The following LDLRAD4 variants were observed in gnomAD, a reference collection of about 807,000 sequenced individuals.
LDLRAD4 encodes the protein low density lipoprotein receptor class A domain containing 4.
LDLRAD4 carries 5 observed loss-of-function variants against 17.0 expected under a neutral mutation model. The ratio of observed to expected loss-of-function variants is 0.29; its 90% CI spans 0.15 to 0.62. LDLRAD4 has a LOEUF of 0.62. Among genes scored for constraint, LDLRAD4 ranks in the 20% least tolerant of loss-of-function variants. The pLI is 0.84. For missense variants in LDLRAD4, 340 were observed against 424.7 expected (o/e 0.80, Z 1.75); for synonymous variants, 168 against 171.8 (o/e 0.98, Z 0.17).
chr18:13,418,669 CA>C (rs2089164527), intron 2 of LDLRAD4, among the ~76,000 whole-genome samples: 1 of 152,224 alleles, frequency 6.6e-6, no homozygotes, highest in South Asian at 2.1e-4. Context: ...AAGTTTTGAA[CA>C]ACAGCTGATG....
intron 1 of LDLRAD4, among the ~76,000 whole-genome samples, chr18:13,325,681 C>T (rs990346816): frequency 2.6e-5 from 4 of 152,220 alleles, no homozygotes; most frequent in South Asian, 4.1e-4. Context: ...CCGCCCGTCT[C>T]GGAACTGCTG....
Position 13,610,265 on chromosome 18 carries a change from A to ATTTTTTTTTTT in LDLRAD4, c.182-10822_182-10812dup, listed in dbSNP as rs1157718015. 4.0e-4 allele frequency among the ~76,000 whole-genome samples: 25 copies of ATTTTTTTTTTT among 62,510 alleles called. 7 individuals are homozygous for ATTTTTTTTTTT. The highest frequency in any genetic ancestry group is 6.7e-4 in the Non-Finnish European group (20 of 29,690). The allele number at this position is 62,510 out of a possible 152,430, so 41.0% of individuals were successfully genotyped here. ...TTCCATGAAGTTCACCAAAGCCCTA[A>ATTTTTTTTTTT]TTTTTTTTTTTTTTTTTTTTTTTTT... On this transcript the variant is annotated intron_variant, in intron 3 of 5. Coordinates refer to ENST00000359446, the Ensembl canonical transcript of LDLRAD4.
rs193247349 is a variant in LDLRAD4 at position 13,351,729 on chromosome 18, T to C, written c.-382-35612T>C. Among the ~76,000 whole-genome samples the C allele has an allele frequency of 2.6e-5, 4 of 152,154 alleles. No homozygotes were observed. The East Asian group carries it at 5.8e-4, about 22-fold the overall frequency. On this transcript the variant is annotated intron_variant, in intron 1 of 5. Coordinates refer to ENST00000359446, the Ensembl canonical transcript of LDLRAD4. ...TTCCTTCTGAAACTATTCCTAACAA[T>C]TGAAAAGAAGGGACTCCTCCTTAAC...
At chr18:13,247,410 C>T (rs2043009800) in intron 1 of LDLRAD4, among the ~76,000 whole-genome samples, 1 of 152,242 alleles carries the variant, frequency 6.6e-6, no homozygotes, top group African/African-American at 2.4e-5. Flanking sequence ...TTGAATTTCA[C>T]TAGTTGTTCT....
At chr18:13,465,112 G>T (rs1479011532) in intron 3 of LDLRAD4, 2 of 152,202 alleles carry the variant, frequency 1.3e-5, no homozygotes, top group Non-Finnish European at 2.9e-5. Context: ...ATCGCTGTTA[G>T]TAAGTATCTT....
chr18:13,348,121 G>T (rs1213481204), intron 1 of LDLRAD4, among the ~76,000 whole-genome samples: 2 of 152,224 alleles, frequency 1.3e-5, no homozygotes, highest in Non-Finnish European at 2.9e-5. Flanking sequence ...GTGAGGAGCT[G>T]CGTTCCTTTG....
At chr18:13,342,179 A>G (rs1236171414) in intron 1 of LDLRAD4, among the ~76,000 whole-genome samples, 1 of 152,070 alleles carries the variant, frequency 6.6e-6, no homozygotes, top group African/African-American at 2.4e-5. Flanking sequence ...CATAAGAAAT[A>G]TTGGTTTGTA....
chr18:13,404,936 G>A (rs928440346), intron 2 of LDLRAD4, among the ~76,000 whole-genome samples: 7 of 151,886 alleles, frequency 4.6e-5, no homozygotes, highest in Non-Finnish European at 5.9e-5. Flanking sequence ...TCTGTAGGTC[G>A]TATGAAGAAG....
At chr18:13,409,729 G>A (rs1033067067) in intron 2 of LDLRAD4, among the ~76,000 whole-genome samples, 1 of 152,168 alleles carries the variant, frequency 6.6e-6, no homozygotes, top group African/African-American at 2.4e-5. Flanking sequence ...GTTAGTACAT[G>A]TAGAAGAATT....
chr18:13,466,865 G>T (rs1174979232), intron 3 of LDLRAD4, among the ~76,000 whole-genome samples: 1 of 152,154 alleles, frequency 6.6e-6, no homozygotes, highest in African/African-American at 2.4e-5. Flanking sequence ...CCAGCTCTCT[G>T]GGATCTCTTT....
intron 3 of LDLRAD4, among the ~76,000 whole-genome samples, chr18:13,566,324 G>T (rs2094600875): frequency 6.6e-6 from 1 of 151,678 alleles, no homozygotes; most frequent in Non-Finnish European, 1.5e-5. Context: ...CAGCACAACG[G>T]GCATGAGTTT....
chr18:13,605,575 A>T (rs2095214577), intron 3 of LDLRAD4, among the ~76,000 whole-genome samples: 3 of 152,266 alleles, frequency 2.0e-5, no homozygotes, highest in African/African-American at 7.2e-5. Flanking sequence ...CCTTAACGAC[A>T]CTGTTAACCC....
At chr18:13,640,734 C>T (rs889340358) in intron 4 of LDLRAD4, among the ~76,000 whole-genome samples, 2 of 152,104 alleles carry the variant, frequency 1.3e-5, no homozygotes, top group Non-Finnish European at 2.9e-5. Flanking sequence ...TGCAGGCATG[C>T]CCTGCGTTAC....
At chr18:13,509,399 T>C (rs1295925134) in intron 3 of LDLRAD4, among the ~76,000 whole-genome samples, 1 of 152,214 alleles carries the variant, frequency 6.6e-6, no homozygotes, top group African/African-American at 2.4e-5. Context: ...AAGACTTCAG[T>C]GAGGAACTAA....
chr18:13,377,909 C>G (rs183064682), intron 1 of LDLRAD4, among the ~76,000 whole-genome samples: 2 of 152,124 alleles, frequency 1.3e-5, no homozygotes, highest in Non-Finnish European at 2.9e-5. Context: ...AATTGGATAC[C>G]GAGTTGTGAA....
chr18:13,344,750 T>G (rs966760600), intron 1 of LDLRAD4, among the ~76,000 whole-genome samples: 3 of 152,226 alleles, frequency 2.0e-5, no homozygotes, highest in Non-Finnish European at 2.9e-5. Flanking sequence ...TATCCTCTTT[T>G]ATTTCATTGA....
At chr18:13,511,569 T>C (rs906782072) in intron 3 of LDLRAD4, among the ~76,000 whole-genome samples, 1 of 152,224 alleles carries the variant, frequency 6.6e-6, no homozygotes, top group African/African-American at 2.4e-5. Flanking sequence ...AATGGGCATA[T>C]TCTTTGAAAA....
intron 3 of LDLRAD4, among the ~76,000 whole-genome samples, chr18:13,450,466 C>T (rs896222616): frequency 2.6e-5 from 4 of 152,174 alleles, no homozygotes; most frequent in African/African-American, 9.7e-5. Context: ...GGGGTAGTCA[C>T]TTGTGGAAAA....
chr18:13,355,351 C>T (rs1179770386), intron 1 of LDLRAD4, among the ~76,000 whole-genome samples: 1 of 152,196 alleles, frequency 6.6e-6, no homozygotes, highest in Non-Finnish European at 1.5e-5. Context: ...TCAATTCCTG[C>T]TATGCTGTTG....
Sources: gnomAD v4.1 joint callset for allele counts (sites outside exome capture counted in the v4.1 genomes callset) on GRCh38, gnomAD v4.1.1 for gene constraint, MANE v1.5 for transcripts, NCBI Gene and HGNC (gene_info 2026-07-23, HGNC 2026-07-21) for gene names.